The following TENM2 variants were observed in gnomAD, a reference collection of about 807,000 sequenced individuals.
TENM2 encodes teneurin transmembrane protein 2.
Under a neutral mutation model 245.2 loss-of-function variants are expected in TENM2, and 52 were observed. That is an observed-to-expected ratio of 0.21 (90% CI 0.17 to 0.27). The LOEUF (loss-of-function observed/expected upper bound fraction) is 0.27. Among genes scored for constraint, TENM2 ranks in the 10% least tolerant of loss-of-function variants. The probability of loss-of-function intolerance (pLI) is 1.00; values close to 1 mark genes in which losing one functional copy is unlikely to be tolerated. For synonymous variants in TENM2, 1,363 were observed against 1,438.9 expected (o/e 0.95, Z 1.19); for missense variants, 3,046 against 3,666.8 (o/e 0.83, Z 4.37).
chr5:168,034,172 T>TAC (rs397839230), intron 5 of TENM2, among the ~76,000 whole-genome samples: 3,904 of 84,702 alleles, frequency 0.046, 180 homozygotes, highest in African/African-American at 0.13. Flanking sequence ...TGTATATATA[T>TAC]ACACACACAC....
the TENM2 span, among the ~76,000 whole-genome samples, chr5:167,273,507 T>A: frequency 6.6e-6 from 1 of 152,188 alleles, no homozygotes; most frequent in African/African-American, 2.4e-5. Flanking sequence ...TTACTCATCA[T>A]AAGCAATAAA....
intron 27 of TENM2, among the ~76,000 whole-genome samples, chr5:168,260,022 A>C (rs1051783059): frequency 1.3e-5 from 2 of 152,142 alleles, no homozygotes; most frequent in Non-Finnish European, 2.9e-5. Flanking sequence ...AGGGGATTCG[A>C]AGCTAGATCT....
chr5:167,363,250 C>T (rs931936119), intron 1 of TENM2, among the ~76,000 whole-genome samples: 4 of 152,158 alleles, frequency 2.6e-5, no homozygotes, highest in African/African-American at 9.7e-5. Context: ...CTTAGAGCAA[C>T]AAGGACATGA....
At chr5:166,997,815 C>T in the TENM2 span, among the ~76,000 whole-genome samples, 2 of 151,992 alleles carry the variant, frequency 1.3e-5, no homozygotes, top group Non-Finnish European at 2.9e-5. Flanking sequence ...ATGCTAAGTG[C>T]CGGGGATACT....
chr5:167,926,269 T>G (rs1161237771), intron 3 of TENM2, among the ~76,000 whole-genome samples: 1 of 152,172 alleles, frequency 6.6e-6, no homozygotes, highest in African/African-American at 2.4e-5. Context: ...TTTATAAATT[T>G]TGTTGAATTC....
chr5:167,993,206 G>A (rs1032544620), intron 5 of TENM2, 24 bp downstream of exon 7: 3 of 1,585,780 alleles, frequency 1.9e-6, no homozygotes, highest in African/African-American at 1.3e-5. Flanking sequence ...GCCTTATTCA[G>A]CAACGCTGGG....
chr5:167,988,331 A>G (rs1168407466), intron 4 of TENM2, among the ~76,000 whole-genome samples: 1 of 152,252 alleles, frequency 6.6e-6, no homozygotes, highest in African/African-American at 2.4e-5. Flanking sequence ...GCTCTATTTT[A>G]GGTGACAGGA....
rs34203413 is a variant in TENM2, at chr5:168,165,648, A to ACCCCCCCCCC, written c.2569+2898_2569+2907dup. Among the ~76,000 whole-genome samples the ACCCCCCCCCC allele has an allele frequency of 1.4e-3, 42 of 30,930 alleles. 4 individuals carry two copies. The highest frequency in any genetic ancestry group is 1.8e-3 in the Admixed American group (3 of 1,698). The allele number at this position is 30,930 out of a possible 152,430, so 20.3% of individuals were successfully genotyped here. On this transcript the variant is annotated intron_variant, in intron 13 of 28. Coordinates refer to ENST00000518659, the Ensembl canonical transcript of TENM2. ...GGCACAATTCAGGATCCCCCCCCCA[A>ACCCCCCCCCC]CCCCCCCCCCCCCCCCGGCTGGCAG... is the stretch of plus-strand genomic sequence containing the variant.
At chr5:168,147,944 ACAGAGGCTTGTTTGGAAGGAATAG>A (rs1756253179) in intron 12 of TENM2, among the ~76,000 whole-genome samples, 1 of 152,224 alleles carries the variant, frequency 6.6e-6, no homozygotes. Context: ...CCAAGTAAAG[ACAGAGGCTTGTTTGGAAGGAATAG>A]CAGAGGAAGA....
intron 6 of TENM2, among the ~76,000 whole-genome samples, chr5:168,051,601 C>G (rs1376916528): frequency 6.6e-6 from 1 of 152,136 alleles, no homozygotes; most frequent in Admixed American, 6.5e-5. Context: ...CCTACTTGAC[C>G]AAGCCCTAGT....
chr5:168,070,961 G>GA lies in TENM2; in HGVS notation c.1515+8698dup, dbSNP rs1554190658. On this transcript the variant is annotated intron_variant, in intron 7 of 28. Transcript: ENST00000518659. ...CAGAAAGAAGGAAAGGAAAGGAAAG[G>GA]AAGGGAAAGGGAAAGGGAAAGGAAA... Among the ~76,000 whole-genome samples the GA allele has an allele frequency of 7.4e-4, 111 of 150,802 alleles. 1 individual carries two copies. The highest frequency in any genetic ancestry group is 3.4e-3 in the Middle Eastern group (1 of 290).
intron 6 of TENM2, among the ~76,000 whole-genome samples, chr5:168,049,508 G>A (rs1472090113): frequency 3.3e-5 from 5 of 152,096 alleles, no homozygotes; most frequent in Admixed American, 6.5e-5. Context: ...ACTGGCCTCC[G>A]TAAATTAAGG....
At chr5:167,398,103 A>G (rs1454715599) in intron 2 of TENM2, among the ~76,000 whole-genome samples, 1 of 152,158 alleles carries the variant, frequency 6.6e-6, no homozygotes, top group Non-Finnish European at 1.5e-5. Context: ...CTATATGGCC[A>G]TTACTATTCC....
intron 1 of TENM2, among the ~76,000 whole-genome samples, chr5:167,313,213 T>C (rs1245053340): frequency 6.6e-6 from 1 of 152,136 alleles, no homozygotes; most frequent in Non-Finnish European, 1.5e-5. Flanking sequence ...TGACCTTGAC[T>C]CTTGGCTCAA....
At chr5:168,214,010 A>G (rs1286332235) in intron 20 of TENM2, among the ~76,000 whole-genome samples, 1 of 152,204 alleles carries the variant, frequency 6.6e-6, no homozygotes, top group African/African-American at 2.4e-5. Flanking sequence ...AGGCACTACA[A>G]AGGGAAGAAC....
At chr5:167,879,472 C>T (rs1773696914) in intron 3 of TENM2, among the ~76,000 whole-genome samples, 1 of 152,072 alleles carries the variant, frequency 6.6e-6, no homozygotes, top group African/African-American at 2.4e-5. Context: ...AATTTCAAAT[C>T]CTATGGAATA....
At chr5:167,034,841 G>A in the TENM2 span, among the ~76,000 whole-genome samples, 1 of 152,146 alleles carries the variant, frequency 6.6e-6, no homozygotes, top group South Asian at 2.1e-4. Flanking sequence ...CAGCTACAGT[G>A]AGGATTAGTA....
In TENM2 at chr5:168,152,326, T is replaced by G. The variant is rs78651511; in HGVS notation, c.2423-10285T>G. 7.2e-5 allele frequency among the ~76,000 whole-genome samples: 11 copies of G among 152,262 alleles called. No homozygotes were observed. In the East Asian group the frequency reaches 1.9e-3, roughly 27 times the overall value. ...CTCTTTTGAGATCTATTAGAAACAT[T>G]TAGTGATTTCCTTACATTTCCTGAA... On this transcript the variant is annotated intron_variant, in intron 12 of 28. Transcript: ENST00000518659.
At chr5:167,100,542 G>A in the TENM2 span, among the ~76,000 whole-genome samples, 1 of 152,136 alleles carries the variant, frequency 6.6e-6, no homozygotes, top group Non-Finnish European at 1.5e-5. Flanking sequence ...CCTCCACATT[G>A]TTTTTGATAA....
Sources: gnomAD v4.1 joint callset for allele counts (sites outside exome capture counted in the v4.1 genomes callset) on GRCh38, gnomAD v4.1.1 for gene constraint, MANE v1.5 for transcripts, NCBI Gene and HGNC (gene_info 2026-07-23, HGNC 2026-07-21) for gene names.